The following SH3GLB2 variants were observed in gnomAD, a reference collection of about 807,000 sequenced individuals.
SH3GLB2 encodes SH3 domain containing GRB2 like, endophilin B2.
A neutral mutation model predicts 48.0 loss-of-function variants in SH3GLB2; 24 were observed. The ratio of observed to expected loss-of-function variants is 0.50; its 90% CI spans 0.36 to 0.70. The LOEUF (loss-of-function observed/expected upper bound fraction) is 0.70, where lower values mean the gene tolerates loss of function less well. Ranked by LOEUF, SH3GLB2 falls within the 30% of genes least tolerant of loss-of-function variation. The pLI is 0.00. For synonymous variants in SH3GLB2, 227 were observed against 207.6 expected, an observed-to-expected ratio of 1.09 and a Z score of -0.80; for missense variants, 425 against 516.0, an observed-to-expected ratio of 0.82 and a Z score of 1.71.
rs1843090193 is a variant in SH3GLB2 at position 129,011,015 on chromosome 9, C to G, written c.625-322G>C. 2.5e-6 allele frequency: 1 copy of G among 403,492 alleles called. No homozygotes were observed. The highest frequency in any genetic ancestry group is 4.5e-6 in the Non-Finnish European group (1 of 221,854). The allele number at this position is 403,492 out of a possible 1,614,324, so 25.0% of individuals were successfully genotyped here. On this transcript the variant is annotated intron_variant, in intron 6 of 10. Coordinates refer to ENST00000372564, the MANE Select transcript of SH3GLB2 (RefSeq NM_020145.4). This position sits in a 1 kb window ranked among gnomAD's most constrained non-coding sequence, Gnocchi z 4.5. ...GTCCCCACCCCATCCTGACTGCTGG[C>G]TCAGGCTGCTGGGCTGGGCGGCAGA...
chr9:129,009,695 G>A (rs1337647314), intron 9 of SH3GLB2, 76 bp downstream of exon 9: 1 of 1,454,780 alleles, frequency 6.9e-7, no homozygotes, highest in Admixed American at 2.0e-5. Flanking sequence ...GACTTGCCCA[G>A]AGGAGCTCAT....
intron 1 of SH3GLB2, among the ~76,000 whole-genome samples, chr9:129,026,633 C>T (rs1372273615): frequency 6.6e-6 from 1 of 152,118 alleles, no homozygotes; most frequent in Non-Finnish European, 1.5e-5. Flanking sequence ...AGCGGAGCCA[C>T]ACCTAGGCCC....
At chr9:129,024,633 G>T (rs1844031193) in intron 1 of SH3GLB2, among the ~76,000 whole-genome samples, 1 of 151,738 alleles carries the variant, frequency 6.6e-6, no homozygotes, top group African/African-American at 2.4e-5. Flanking sequence ...TGAGGTGGGA[G>T]CCCAGGAGGC....
rs1206113152 is a variant in SH3GLB2, at chr9:129,028,122, G to A, written c.33C>T (p.Asp11=). 5 of 1,498,060 alleles carry A rather than the reference G, an allele frequency of 3.3e-6. No homozygotes were observed. The highest frequency in any genetic ancestry group is 1.3e-5 in the South Asian group (1 of 79,782). The allele number at this position is 1,498,060 out of a possible 1,614,324, so 92.8% of individuals were successfully genotyped here. A position where few individuals can be genotyped will look rare whatever the true frequency, so the allele number is the denominator to read the frequency against. The change falls in exon 1 of 11, where the codon GAC becomes GAT. Residue 11 remains aspartate, a synonymous_variant. Coordinates refer to ENST00000372564, the MANE Select transcript of SH3GLB2 (RefSeq NM_020145.4). ...CCGCCCGGGTGAAGAAGATGCCCGC[G>A]TCCGACGCCAGCTTCTTCATGTTGA... is the stretch of plus-strand genomic sequence containing the variant. The part of the protein sequence containing the change: MDFNMKKLAS[D]AGIFFTRAVQ...
intron 3 of SH3GLB2, among the ~76,000 whole-genome samples, chr9:129,018,540 G>A (rs1843585404): frequency 6.7e-6 from 1 of 150,316 alleles, no homozygotes. Flanking sequence ...TTGCGCCACT[G>A]CACTCCAGCC....
Position 129,008,560 on chromosome 9 carries a change from G to A in SH3GLB2, c.*124C>T. ...CTCACAGCTAGGTGACTAGGGGCAG[G>A]GACAGAATGGGGTGAATTCTCCCCA... On this transcript the variant is annotated 3_prime_UTR_variant, in exon 11 of 11. Transcript: ENST00000372564. 1.4e-6 allele frequency: 1 copy of A among 734,358 alleles called. No individual in the cohort carries two copies. The highest frequency in any genetic ancestry group is 2.7e-5 in the East Asian group (1 of 36,600). The allele number at this position is 734,358 out of a possible 1,614,324, so 45.5% of individuals were successfully genotyped here.
At chr9:129,010,310 T>C in intron 7 of SH3GLB2, 101 bp from the exon 8 acceptor site, 1 of 986,650 alleles carries the variant, frequency 1.0e-6, no homozygotes, top group Non-Finnish European at 1.6e-6. Flanking sequence ...CCCTTTCCCC[T>C]GGGAACACAG....
rs1485950816 is a variant in SH3GLB2 at position 129,009,712 on chromosome 9, C to A, written c.839+59G>T. 6 of 1,508,566 alleles carry A rather than the reference C, an allele frequency of 4.0e-6. No individual in the cohort carries two copies. In the East Asian group the frequency reaches 1.2e-4, roughly 30 times the overall value. 93.4% of individuals were successfully genotyped at this position (1,508,566 alleles called of 1,614,324 possible). A position where few individuals can be genotyped will look rare whatever the true frequency, so the allele number is the denominator to read the frequency against. The stretch of plus-strand genomic sequence containing the variant: ...CTTGCCCAGAGGAGCTCATGCTGCC[C>A]ACGGACAGGGTATGGGAGCCAGGGG... On this transcript the variant is annotated intron_variant, in intron 9 of 10. Coordinates refer to ENST00000372564, the MANE Select transcript of SH3GLB2 (RefSeq NM_020145.4).
At chr9:129,013,135 C>A (rs573909596) in intron 5 of SH3GLB2, 3 of 1,204,670 alleles carry the variant, frequency 2.5e-6, no homozygotes, top group South Asian at 2.6e-5. Context: ...ACCAGGCGGT[C>A]GGGCGGAGGG....
intron 6 of SH3GLB2, 179 bp from the exon 7 acceptor site, chr9:129,010,872 G>A (rs187411834): frequency 2.2e-5 from 15 of 685,046 alleles, no homozygotes; most frequent in African/African-American, 2.2e-4. Flanking sequence ...GGGGGCTGGC[G>A]GTCCCAGTCC....
intron 3 of SH3GLB2, among the ~76,000 whole-genome samples, chr9:129,015,369 TTG>T (rs1554833790): frequency 1.3e-5 from 2 of 152,236 alleles, no homozygotes; most frequent in Non-Finnish European, 2.9e-5. Flanking sequence ...CTGGACACAA[TTG>T]TCAAAAACAT....
chr9:129,025,040 C>G (rs2131303556), intron 1 of SH3GLB2, among the ~76,000 whole-genome samples: 1 of 150,836 alleles, frequency 6.6e-6, no homozygotes, highest in Non-Finnish European at 1.5e-5. Flanking sequence ...CTTTGGGAGG[C>G]CAAGGCAGGT....
At chr9:129,010,007 G>C in intron 8 of SH3GLB2, 113 bp downstream of exon 8, 1 of 1,378,110 alleles carries the variant, frequency 7.3e-7, no homozygotes, top group Non-Finnish European at 1.0e-6. Flanking sequence ...ACCCTCCCCG[G>C]TGGGACTTGC....
rs1351680743 is a variant in SH3GLB2 at position 129,008,679 on chromosome 9, C to A, written c.*5G>T. The stretch of plus-strand genomic sequence containing the variant: ...CCAGAATGCGGGGGGGATGGGGGCA[C>A]CTGCCTAGCTGAGCAGTTCCAAGTA... On this transcript the variant is annotated 3_prime_UTR_variant, in exon 11 of 11. Transcript: ENST00000372564. 3 of 1,613,020 alleles carry A rather than the reference C, an allele frequency of 1.9e-6. No individual in the cohort carries two copies. Among genetic ancestry groups the A allele is most frequent in the South Asian group, 1.1e-5 (1 of 91,032 alleles).
At chr9:129,027,302 G>C (rs1208358761) in intron 1 of SH3GLB2, among the ~76,000 whole-genome samples, 1 of 152,104 alleles carries the variant, frequency 6.6e-6, no homozygotes, top group Non-Finnish European at 1.5e-5. Flanking sequence ...ATCTGTCCTG[G>C]GAGGCAGGAA....
intron 5 of SH3GLB2, chr9:129,013,903 GGGCGCCAGA>G: frequency 2.6e-6 from 1 of 384,636 alleles, no homozygotes; most frequent in South Asian, 1.9e-5. Flanking sequence ...GGAGTGAAGG[GGGCGCCAGA>G]TGGCCCAGGC....
In SH3GLB2 at chr9:129,022,397, A is replaced by G. The variant is rs752198579; in HGVS notation, c.90T>C (p.Ala30=). 2.0e-5 allele frequency: 32 copies of G among 1,613,528 alleles called. No individual in the cohort carries two copies. The East Asian group carries it at 2.2e-4, about 11-fold the overall frequency. ...VQFTEEKFGQ[A]EKTELDAHFE... Reference sequence around the variant, plus strand: ...AGTGGGCATCAAGCTCAGTCTTCTCAGCCTGGCCAAATTTCTCCTCCGTGA... The same window carrying G: ...AGTGGGCATCAAGCTCAGTCTTCTCGGCCTGGCCAAATTTCTCCTCCGTGA... Residue 30 remains alanine (A), a synonymous_variant, in exon 2 of 11, where the codon GCT becomes GCC. Transcript: ENST00000372564.
rs924739226 is a variant in SH3GLB2, at chr9:129,011,119, G to A, written c.625-426C>T. Reference sequence around the variant, plus strand: ...GTGGCCTCGTGCTTGAGTCACACTGGGACTCAATGGCAAAAGAAAAACAGG... The same window carrying A: ...GTGGCCTCGTGCTTGAGTCACACTGAGACTCAATGGCAAAAGAAAAACAGG... On this transcript the variant is annotated intron_variant, in intron 6 of 10. Coordinates refer to ENST00000372564, the MANE Select transcript of SH3GLB2 (RefSeq NM_020145.4). The surrounding 1 kb of genome is among the most constrained non-coding windows in gnomAD (Gnocchi z 4.5). 5.6e-6 allele frequency: 1 copy of A among 178,640 alleles called. No homozygotes were observed. Among genetic ancestry groups the A allele is most frequent in the African/African-American group, 2.4e-5 (1 of 42,350 alleles). The allele number at this position is 178,640 out of a possible 1,614,324, so 11.1% of individuals were successfully genotyped here. A position where few individuals can be genotyped will look rare whatever the true frequency, so the allele number is the denominator to read the frequency against.
Position 129,014,943 on chromosome 9 carries a change from G to A in SH3GLB2, c.335-39C>T. ...GTTGAAGCGTGAGGAAGAAGGTCAG[G>A]CTCAGGCTACTCTGATCTACAGGAG... On this transcript the variant is annotated intron_variant, in intron 3 of 10. Coordinates refer to ENST00000372564, the MANE Select transcript of SH3GLB2 (RefSeq NM_020145.4). This position sits in a 1 kb window ranked among gnomAD's most constrained non-coding sequence, Gnocchi z 4.1. 1.2e-6 allele frequency: 2 copies of A among 1,601,994 alleles called. No homozygotes were observed. Among genetic ancestry groups the A allele is most frequent in the Non-Finnish European group, 1.7e-6 (2 of 1,173,800 alleles).
Sources: gnomAD v4.1 joint callset for allele counts (sites outside exome capture counted in the v4.1 genomes callset) on GRCh38, gnomAD v4.1.1 for gene constraint, Gnocchi (gnomAD v3.1) non-coding constraint, MANE v1.5 for transcripts, NCBI Gene and HGNC (gene_info 2026-07-23, HGNC 2026-07-21) for gene names.